PTGR2: variants seen among roughly 807,000 people sequenced by gnomAD.
PTGR2 encodes 15-oxoprostaglandin 13-reductase.
In PTGR2, 32 loss-of-function variants were observed where a neutral mutation model predicts 43.4. The observed-to-expected ratio is 0.74, with a 90% CI of 0.56 to 0.99. PTGR2 has a LOEUF of 0.99. Among genes scored for constraint, PTGR2 ranks in the 50% least tolerant of loss-of-function variants. The probability of loss-of-function intolerance (pLI) is 0.00; values close to 1 mark genes in which losing one functional copy is unlikely to be tolerated. For synonymous variants in PTGR2, 106 were observed against 139.2 expected, an observed-to-expected ratio of 0.76 and a Z score of 1.68; for missense variants, 373 against 420.0, an observed-to-expected ratio of 0.89 and a Z score of 0.98.
intron 5 of PTGR2, chr14:73,878,614 T>C: frequency 2.1e-6 from 1 of 469,350 alleles, no homozygotes; most frequent in Non-Finnish European, 4.2e-6. Context: ...CCACCGTATG[T>C]GGCTGAACAA....
chr14:73,873,970 T>A, intron 3 of PTGR2, 53 bp from the exon 4 acceptor site: 1 of 1,367,258 alleles, frequency 7.3e-7, no homozygotes, highest in Non-Finnish European at 1.0e-6. Context: ...GGTAAATTAG[T>A]AGAGTGGTTT....
At chr14:73,866,731 A>T (rs925759707) in intron 3 of PTGR2, among the ~76,000 whole-genome samples, 2 of 152,126 alleles carry the variant, frequency 1.3e-5, no homozygotes, top group Admixed American at 1.3e-4. Context: ...TGAAAAAAGC[A>T]GATGTCCTTC....
intron 1 of PTGR2, chr14:73,858,074 CA>C (rs2054402528): frequency 6.6e-6 from 1 of 151,862 alleles, no homozygotes; most frequent in South Asian, 2.1e-4. Flanking sequence ...AAAACAAGTG[CA>C]GTATTGAGAA....
At chr14:73,875,835 T>G (rs1190974899) in intron 4 of PTGR2, among the ~76,000 whole-genome samples, 1 of 148,836 alleles carries the variant, frequency 6.7e-6, no homozygotes, top group African/African-American at 2.5e-5. Context: ...TTTTTTTTTT[T>G]TTTTGAGATG....
intron 3 of PTGR2, among the ~76,000 whole-genome samples, chr14:73,873,574 C>T (rs1268058524): frequency 6.6e-6 from 1 of 151,650 alleles, no homozygotes; most frequent in Admixed American, 6.6e-5. Flanking sequence ...AATTGATTCT[C>T]CTGCCTCAGC....
chr14:73,880,231 A>G, intron 7 of PTGR2, 55 bp downstream of exon 7: 2 of 1,588,962 alleles, frequency 1.3e-6, no homozygotes, highest in East Asian at 2.2e-5. Context: ...TAAATATCAT[A>G]GATGTGTATG....
chr14:73,866,247 A>G (rs780192402), intron 3 of PTGR2, among the ~76,000 whole-genome samples: 5 of 151,860 alleles, frequency 3.3e-5, no homozygotes, highest in Non-Finnish European at 7.4e-5. Context: ...CAGGTGATCC[A>G]CCCACCTCGG....
intron 3 of PTGR2, among the ~76,000 whole-genome samples, chr14:73,872,986 A>G (rs557721195): frequency 1.4e-5 from 2 of 147,508 alleles, no homozygotes; most frequent in African/African-American, 5.1e-5. Context: ...AAAAAAAAAA[A>G]TTTTTTTTAT....
intron 3 of PTGR2, among the ~76,000 whole-genome samples, chr14:73,866,978 A>T (rs568117736): frequency 2.2e-4 from 33 of 151,568 alleles, no homozygotes; most frequent in Non-Finnish European, 3.2e-4. Context: ...AATCCCAGCT[A>T]CTCAGGAAGC....
chr14:73,854,029 G>A (rs1193561450), intron 1 of PTGR2, among the ~76,000 whole-genome samples: 1 of 152,052 alleles, frequency 6.6e-6, no homozygotes, highest in Non-Finnish European at 1.5e-5. Context: ...TTCAGATCTT[G>A]GAACTTGATG....
chr14:73,877,278 T>A (rs45542836), intron 5 of PTGR2, 110 bp downstream of exon 5: 409,219 of 1,050,862 alleles, frequency 0.39, 84,765 homozygotes, highest in Non-Finnish European at 0.43. Context: ...TTGGATAAAT[T>A]TTTTTTTTCT....
chr14:73,859,664 A>G (rs1024922019), intron 2 of PTGR2, among the ~76,000 whole-genome samples: 2 of 151,568 alleles, frequency 1.3e-5, no homozygotes, highest in Non-Finnish European at 2.9e-5. Context: ...TTAATTTTCC[A>G]CTTTTTCAGA....
At chr14:73,883,188 C>CTTTTTTTTTTTTTTTTTTTT (rs58234739) in intron 9 of PTGR2, among the ~76,000 whole-genome samples, 18 of 58,152 alleles carry the variant, frequency 3.1e-4, no homozygotes, top group Non-Finnish European at 4.2e-4. Flanking sequence ...CCTCACCTCC[C>CTTTTTTTTTTTTTTTTTTTT]TTTTTTTTTT....
chr14:73,871,707 C>A (rs2054738202), intron 3 of PTGR2, among the ~76,000 whole-genome samples: 2 of 152,188 alleles, frequency 1.3e-5, no homozygotes, highest in Admixed American at 6.5e-5. Context: ...AGGGGACACC[C>A]AGTTGATGTC....
intron 3 of PTGR2, among the ~76,000 whole-genome samples, chr14:73,871,441 A>C (rs1031592413): frequency 6.9e-6 from 1 of 144,938 alleles, no homozygotes; most frequent in African/African-American, 2.6e-5. Flanking sequence ...TATCCTTTGT[A>C]ATATCCTTTA....
At chr14:73,865,455 A>C (rs2054579259) in intron 3 of PTGR2, among the ~76,000 whole-genome samples, 1 of 152,192 alleles carries the variant, frequency 6.6e-6, no homozygotes, top group South Asian at 2.1e-4. Flanking sequence ...TCTTCACCAC[A>C]TAGTCCACAG....
chr14:73,852,612 C>T (rs991945911), intron 1 of PTGR2, among the ~76,000 whole-genome samples: 1 of 152,016 alleles, frequency 6.6e-6, no homozygotes, highest in Admixed American at 6.6e-5. Flanking sequence ...ACGAGCTGGG[C>T]AGTTAGTTTG....
chr14:73,883,224 G>A (rs1374406673), intron 9 of PTGR2, among the ~76,000 whole-genome samples: 17 of 59,342 alleles, frequency 2.9e-4, no homozygotes, highest in Admixed American at 9.7e-4. Context: ...TTTTTTTAAA[G>A]AGATGATCTT....
chr14:73,881,122 T>C, intron 7 of PTGR2, 83 bp from the exon 8 acceptor site: 1 of 812,704 alleles, frequency 1.2e-6, no homozygotes, highest in Non-Finnish European at 2.1e-6. Context: ...GATTAACAGA[T>C]ATTAGAATTC....
Sources: gnomAD v4.1 joint callset for allele counts (sites outside exome capture counted in the v4.1 genomes callset) on GRCh38, gnomAD v4.1.1 for gene constraint, MANE v1.5 for transcripts, NCBI Gene and HGNC (gene_info 2026-07-23, HGNC 2026-07-21) for gene names.